Variants in STPG2 observed in about 807,000 individuals in gnomAD.
The protein encoded by STPG2 is sperm tail PG-rich repeat containing 2.
A neutral mutation model predicts 54.2 loss-of-function variants in STPG2; 56 were observed. The observed-to-expected ratio is 1.03, with a 90% confidence interval of 0.83 to 1.29. The LOEUF (loss-of-function observed/expected upper bound fraction) is 1.29. Ranked by LOEUF, STPG2 falls within the 50% of genes most tolerant of loss-of-function variation. The pLI is 0.00. For synonymous variants in STPG2, 200 were observed against 181.8 expected (o/e 1.10, Z -0.81); for missense variants, 596 against 544.9 (o/e 1.09, Z -0.93).
chr4:97,887,084 T>C, intron 8 of STPG2, among the ~76,000 whole-genome samples: 1 of 152,208 alleles, frequency 6.6e-6, no homozygotes, highest in Non-Finnish European at 1.5e-5. Flanking sequence ...TAAGCCTCTT[T>C]TCTTTATAAA....
intron 9 of STPG2, among the ~76,000 whole-genome samples, chr4:97,715,565 G>GA (rs200442072): frequency 2.0e-4 from 30 of 150,664 alleles, no homozygotes; most frequent in East Asian, 5.9e-4. Context: ...AGTGGCCTCA[G>GA]AAAAAAAAAC....
intron 9 of STPG2, among the ~76,000 whole-genome samples, chr4:97,763,006 AT>A (rs1725936037): frequency 6.6e-6 from 1 of 152,138 alleles, no homozygotes; most frequent in South Asian, 2.1e-4. Flanking sequence ...TCTGTTTCCC[AT>A]TGTTGCCGTA....
intron 7 of STPG2, among the ~76,000 whole-genome samples, chr4:97,969,268 G>C (rs1259349195): frequency 6.6e-6 from 1 of 152,180 alleles, no homozygotes; most frequent in Non-Finnish European, 1.5e-5. Flanking sequence ...TTTTAAGGCT[G>C]TTAGGAATTG....
chr4:97,742,530 TG>T, intron 9 of STPG2, among the ~76,000 whole-genome samples: 1 of 133,716 alleles, frequency 7.5e-6, no homozygotes, highest in East Asian at 2.1e-4. Flanking sequence ...TGTGTGTGTG[TG>T]TGTGTGTGTG....
chr4:97,915,238 A>T (rs1731830042), intron 8 of STPG2, among the ~76,000 whole-genome samples: 1 of 152,016 alleles, frequency 6.6e-6, no homozygotes, highest in African/African-American at 2.4e-5. Flanking sequence ...TAAGGAATTT[A>T]CGATACACTG....
At chr4:97,575,085 C>A (rs187523912) in intron 10 of STPG2, among the ~76,000 whole-genome samples, 1 of 151,548 alleles carries the variant, frequency 6.6e-6, no homozygotes, top group Non-Finnish European at 1.5e-5. Flanking sequence ...GATTGAATCA[C>A]GAAGAAATCA....
At chr4:97,829,099 C>A (rs895519846) in intron 9 of STPG2, among the ~76,000 whole-genome samples, 1 of 152,100 alleles carries the variant, frequency 6.6e-6, no homozygotes, top group Non-Finnish European at 1.5e-5. Context: ...GAGTAGGGGT[C>A]GACAGACACC....
chr4:97,504,837 G>A (rs1730811070), intron 4 of STPG2, among the ~76,000 whole-genome samples: 1 of 151,922 alleles, frequency 6.6e-6, no homozygotes, highest in Non-Finnish European at 1.5e-5. Context: ...AACCTACTAT[G>A]TCCCAGGGAC....
intron 4 of STPG2, among the ~76,000 whole-genome samples, chr4:97,469,052 C>T (rs1484115113): frequency 3.9e-5 from 6 of 151,996 alleles, no homozygotes; most frequent in Non-Finnish European, 7.4e-5. Flanking sequence ...GAATTAGCTG[C>T]CACTTTTCTA....
chr4:98,066,565 G>C (rs1463611985), intron 5 of STPG2, among the ~76,000 whole-genome samples: 1 of 151,420 alleles, frequency 6.6e-6, no homozygotes, highest in East Asian at 1.9e-4. Context: ...CTCCAGCCTG[G>C]GCAACAGACA....
intron 8 of STPG2, among the ~76,000 whole-genome samples, chr4:97,860,985 A>G (rs1729512367): frequency 1.3e-5 from 2 of 152,152 alleles, no homozygotes; most frequent in South Asian, 4.1e-4. Context: ...TAAAGGAAAA[A>G]TAGACAAATA....
chr4:97,457,336 A>G (rs911380700), intron 4 of STPG2, among the ~76,000 whole-genome samples: 28 of 152,228 alleles, frequency 1.8e-4, no homozygotes, highest in Non-Finnish European at 2.1e-4. Context: ...ATAATTGCCA[A>G]AACTTAATTA....
In STPG2 at chr4:97,735,866, T is replaced by C. The variant is rs1378489567; in HGVS notation, c.1205-23052A>G. 5.3e-5 allele frequency among the ~76,000 whole-genome samples: 8 copies of C among 151,982 alleles called. No homozygotes were observed. The East Asian group carries it at 1.5e-3, about 29-fold the overall frequency. ...AATAGCAAAAACACAAATAACTCGA[T>C]TTAAAAATGGGCAAAGGACCTAAGT... On this transcript the variant is annotated intron_variant, in intron 9 of 10. Coordinates refer to ENST00000295268, the MANE Select transcript of STPG2 (RefSeq NM_174952.3).
chr4:97,497,167 A>T (rs1730628373), intron 4 of STPG2, among the ~76,000 whole-genome samples: 1 of 151,750 alleles, frequency 6.6e-6, no homozygotes, highest in Non-Finnish European at 1.5e-5. Flanking sequence ...TCAAAACAGA[A>T]AATAACACAA....
intron 8 of STPG2, among the ~76,000 whole-genome samples, chr4:97,931,685 T>C (rs1732552727): frequency 6.6e-6 from 1 of 152,016 alleles, no homozygotes; most frequent in Non-Finnish European, 1.5e-5. Context: ...TTGTTGTTTG[T>C]TGTTTTTTTA....
At chr4:97,599,834 AAAAG>A (rs1407375067) in intron 10 of STPG2, among the ~76,000 whole-genome samples, 26 of 120,284 alleles carry the variant, frequency 2.2e-4, no homozygotes, top group African/African-American at 1.8e-3. Context: ...AAAAAAAAAA[AAAAG>A]AAAAGAAAAG....
chr4:97,967,832 C>G (rs894901687), intron 7 of STPG2, among the ~76,000 whole-genome samples: 4 of 152,086 alleles, frequency 2.6e-5, no homozygotes, highest in African/African-American at 9.7e-5. Flanking sequence ...ACACAACATA[C>G]CAGAATCTCT....
intron 3 of STPG2, 51 bp downstream of exon 3, chr4:98,128,377 G>A: frequency 6.9e-7 from 1 of 1,459,342 alleles, no homozygotes; most frequent in African/African-American, 1.4e-5. Context: ...AAACCCATAT[G>A]TAAATCATAA....
chr4:97,691,366 A>G (rs1723357275), intron 10 of STPG2, among the ~76,000 whole-genome samples: 1 of 152,132 alleles, frequency 6.6e-6, no homozygotes, highest in Non-Finnish European at 1.5e-5. Flanking sequence ...TTCAGGGTAC[A>G]GGCTGCGTGG....
Sources: allele counts gnomAD v4.1 joint callset (sites outside exome capture counted in the v4.1 genomes callset), GRCh38; gene constraint gnomAD v4.1.1; transcripts MANE v1.5; gene names NCBI Gene and HGNC (gene_info 2026-07-23, HGNC 2026-07-21).